Variants in DAAM2 observed in about 807,000 individuals in gnomAD.
The protein encoded by DAAM2 is dishevelled associated activator of morphogenesis 2, also known as disheveled-associated activator of morphogenesis 2.
A neutral mutation model predicts 120.7 loss-of-function variants in DAAM2; 39 were observed. The observed-to-expected ratio is 0.32, with a 90% CI of 0.25 to 0.42. The LOEUF is 0.42. DAAM2 is among the 10% of genes least tolerant of loss of function. DAAM2 has a pLI of 1.00. For synonymous variants in DAAM2, 488 were observed against 524.9 expected (o/e 0.93, Z 0.96); for missense variants, 1,283 against 1,401.7 (o/e 0.92, Z 1.35).
chr6:39,817,179 G>T (rs145459964), intron 1 of DAAM2, among the ~76,000 whole-genome samples: 1 of 152,296 alleles, frequency 6.6e-6, no homozygotes, highest in Non-Finnish European at 1.5e-5. Flanking sequence ...CTATGCAGCT[G>T]GAGGAAGGGC....
intron 1 of DAAM2, among the ~76,000 whole-genome samples, chr6:39,817,766 G>C (rs1762350748): frequency 6.6e-6 from 1 of 152,184 alleles, no homozygotes. Context: ...TTCATTGGGG[G>C]ACCTCGGTCA....
chr6:39,823,645 C>T (rs1485242697), intron 1 of DAAM2, among the ~76,000 whole-genome samples: 1 of 152,198 alleles, frequency 6.6e-6, no homozygotes, highest in Non-Finnish European at 1.5e-5. Context: ...TCTGACCTTT[C>T]CTGAGGCCCA....
At position 39,901,452 on chromosome 6, in the gene DAAM2, C is replaced by T. The variant is rs767345619; in HGVS notation, c.2962C>T (p.Arg988Trp). 3.5e-5 allele frequency: 56 copies of T among 1,609,450 alleles called. No individual in the cohort carries two copies. The highest frequency in any genetic ancestry group is 6.6e-5 in the South Asian group (6 of 90,948). Residue 988 changes from arginine to tryptophan, a missense_variant, in exon 24 of 25, where the codon CGG becomes TGG. This residue lies in a region of DAAM2 where 748 missense variants were observed against 768.6 expected (regional missense o/e 0.97). Coordinates refer to ENST00000274867, the MANE Select transcript of DAAM2 (RefSeq NM_001201427.2). This position sits in a 1 kb window ranked among gnomAD's most constrained non-coding sequence, Gnocchi z 4.5. The part of the protein sequence containing the change: ...MRRRKEEEER[R>W]ARMEAMLKEQ... ...GAGGAGGAAGGAGGAGGAGGAGCGG[C>T]GGGCGCGCATGGAAGCCATGGTGAG...
Position 39,870,260 on chromosome 6 carries a change from G to A in DAAM2, c.874-80G>A, listed in dbSNP as rs921005645. ...GAGATGTGTTGGGTCTGTGGCTAGG[G>A]TGGTGATGAGGGCTCCACTGGGGAT... On this transcript the variant is annotated intron_variant, in intron 7 of 24. Transcript: ENST00000274867. 14 of 814,550 alleles carry A rather than the reference G, an allele frequency of 1.7e-5. No individual in the cohort carries two copies. The East Asian group carries it at 2.9e-4, about 17-fold the overall frequency. The allele number at this position is 814,550 out of a possible 1,614,324, so 50.5% of individuals were successfully genotyped here.
chr6:39,879,556 T>C (rs1433078409), intron 14 of DAAM2, 79 bp downstream of exon 14: 1 of 1,575,760 alleles, frequency 6.3e-7, no homozygotes, highest in Admixed American at 1.7e-5. Flanking sequence ...CGCCCCTTGT[T>C]TACAGATCTC....
At chr6:39,872,101 C>G (rs928888274) in intron 9 of DAAM2, among the ~76,000 whole-genome samples, 13 of 151,424 alleles carry the variant, frequency 8.6e-5, no homozygotes, top group African/African-American at 2.9e-4. Flanking sequence ...GTGGAGTGAT[C>G]GTAGTATGGT....
chr6:39,853,113 C>T (rs2149276885), intron 1 of DAAM2, among the ~76,000 whole-genome samples: 1 of 152,264 alleles, frequency 6.6e-6, no homozygotes, highest in African/African-American at 2.4e-5. Context: ...TGCTGGAATC[C>T]TGGGTTTTAA....
intron 1 of DAAM2, among the ~76,000 whole-genome samples, chr6:39,826,274 T>A (rs967815298): frequency 1.3e-5 from 2 of 151,950 alleles, no homozygotes; most frequent in African/African-American, 2.4e-5. Flanking sequence ...ATTTTTTTTT[T>A]ATTTTACTTT....
At chr6:39,900,821 A>G (rs1304556747) in intron 23 of DAAM2, among the ~76,000 whole-genome samples, 1 of 152,198 alleles carries the variant, frequency 6.6e-6, no homozygotes, top group African/African-American at 2.4e-5. Context: ...GTAACTCAGA[A>G]CAGTGCCTGG....
chr6:39,852,434 A>C (rs1199737794), intron 1 of DAAM2, among the ~76,000 whole-genome samples: 7 of 152,158 alleles, frequency 4.6e-5, no homozygotes, highest in Non-Finnish European at 8.8e-5. Flanking sequence ...GGCCTAGAGG[A>C]AGGCAGAGCT....
intron 1 of DAAM2, among the ~76,000 whole-genome samples, chr6:39,806,418 T>C (rs748204946): frequency 3.6e-4 from 55 of 152,178 alleles, no homozygotes; most frequent in Admixed American, 6.5e-4. Flanking sequence ...TATACCCATA[T>C]AGCTATGTGC....
chr6:39,869,026 G>T (rs1764543322), intron 7 of DAAM2, 93 bp downstream of exon 7: 2 of 987,164 alleles, frequency 2.0e-6, no homozygotes, highest in Non-Finnish European at 3.1e-6. Flanking sequence ...AATTGTTTTT[G>T]CTATTAAACC....
chr6:39,855,810 A>G (rs972981518), intron 1 of DAAM2, among the ~76,000 whole-genome samples: 3 of 152,156 alleles, frequency 2.0e-5, no homozygotes, highest in African/African-American at 7.2e-5. Context: ...CCATGCCTTT[A>G]AATCAGTTAT....
chr6:39,893,471 T>C (rs938002965), intron 19 of DAAM2, among the ~76,000 whole-genome samples: 3 of 151,380 alleles, frequency 2.0e-5, no homozygotes, highest in African/African-American at 7.3e-5. Flanking sequence ...TGAGCCGACA[T>C]GGAACCACTG....
intron 1 of DAAM2, among the ~76,000 whole-genome samples, chr6:39,842,381 C>A (rs1004975382): frequency 2.6e-5 from 4 of 152,182 alleles, no homozygotes; most frequent in African/African-American, 9.7e-5. Context: ...CGTGTAATCC[C>A]AGCACTTTGG....
intron 1 of DAAM2, among the ~76,000 whole-genome samples, chr6:39,812,646 G>GTGGAGTCACCAGGCAGCTTT (rs145632485): frequency 1.3e-5 from 2 of 151,438 alleles, no homozygotes; most frequent in African/African-American, 4.9e-5. Flanking sequence ...ACCTCTGACT[G>GTGGAGTCACCAGGCAGCTTT]TGGAGTCAGC....
rs747105413 is a variant in DAAM2, at chr6:39,856,296, A to G, written c.-7A>G. ...TGTCTGCTGACGCCCCCTGGCCTGC[A>G]GTGACCATGGCCCCCCGCAAGAGGA... On this transcript the variant is annotated 5_prime_UTR_variant, in exon 2 of 25. Transcript: ENST00000274867. The G allele has an allele frequency of 1.3e-6, 2 of 1,519,694 alleles. No individual in the cohort carries two copies. The highest frequency in any genetic ancestry group is 4.2e-5 in the Admixed American group (2 of 47,608). The allele number at this position is 1,519,694 out of a possible 1,614,324, so 94.1% of individuals were successfully genotyped here.
At chr6:39,814,985 A>C (rs1290935363) in intron 1 of DAAM2, among the ~76,000 whole-genome samples, 1 of 152,196 alleles carries the variant, frequency 6.6e-6, no homozygotes, top group Non-Finnish European at 1.5e-5. Flanking sequence ...ATTCAGAATA[A>C]ATTAGCTGAA....
chr6:39,802,865 C>T (rs62402528), intron 1 of DAAM2, among the ~76,000 whole-genome samples: 4,147 of 152,256 alleles, frequency 0.027, 105 homozygotes, highest in South Asian at 0.12. Context: ...GAAGCCCCCT[C>T]GTGCCCCTCT....
Sources: gnomAD v4.1 joint callset for allele counts (sites outside exome capture counted in the v4.1 genomes callset) on GRCh38, gnomAD v4.1.1 for gene constraint, gnomAD v4.1.1 regional missense constraint, Gnocchi (gnomAD v3.1) non-coding constraint, MANE v1.5 for transcripts, NCBI Gene and HGNC (gene_info 2026-07-23, HGNC 2026-07-21) for gene names.